The following PCDH7 variants were observed in gnomAD, a reference collection of about 807,000 sequenced individuals.
The protein encoded by PCDH7 is protocadherin-7.
Under a neutral mutation model 58.9 loss-of-function variants are expected in PCDH7, and 17 were observed. The observed-to-expected ratio is 0.29, with a 90% CI of 0.20 to 0.43. The LOEUF (loss-of-function observed/expected upper bound fraction) is 0.43. PCDH7 is among the 20% of genes least tolerant of loss of function. The pLI, the probability that PCDH7 is intolerant of heterozygous loss-of-function variation, is 1.00. For synonymous variants in PCDH7, 664 were observed against 616.4 expected (o/e 1.08, Z -1.14); for missense variants, 1,274 against 1,441.0 (o/e 0.88, Z 1.88).
chr4:31,023,439 G>C (rs1477645943), intron 3 of PCDH7, among the ~76,000 whole-genome samples: 2 of 152,156 alleles, frequency 1.3e-5, no homozygotes, highest in African/African-American at 2.4e-5. Flanking sequence ...AGACAGACCT[G>C]AATCAAATTC....
chr4:30,736,394 CTG>C (rs539450464), downstream of PCDH7, among the ~76,000 whole-genome samples: 238 of 152,146 alleles, frequency 1.6e-3, 1 homozygote, highest in African/African-American at 5.4e-3. Context: ...GGAATTAAAA[CTG>C]TTTTTAATTT....
intron 3 of PCDH7, among the ~76,000 whole-genome samples, chr4:30,987,388 A>C (rs2109118588): frequency 6.6e-6 from 1 of 152,186 alleles, no homozygotes; most frequent in East Asian, 1.9e-4. Flanking sequence ...CTGCCTCAAA[A>C]GCTTCTAAGT....
chr4:31,017,398 T>A (rs1275271780), intron 3 of PCDH7, among the ~76,000 whole-genome samples: 1 of 152,198 alleles, frequency 6.6e-6, no homozygotes, highest in East Asian at 1.9e-4. Flanking sequence ...TAGCTGTTTT[T>A]GTTCATATAT....
chr4:31,043,692 C>T (rs148549563), intron 3 of PCDH7, among the ~76,000 whole-genome samples: 75 of 152,208 alleles, frequency 4.9e-4, no homozygotes, highest in African/African-American at 1.7e-3. Flanking sequence ...GGACGTTAGA[C>T]ATTTGTCAGA....
At chr4:30,962,821 A>G (rs1000974835) in intron 3 of PCDH7, among the ~76,000 whole-genome samples, 1 of 150,584 alleles carries the variant, frequency 6.6e-6, no homozygotes, top group Non-Finnish European at 1.5e-5. Context: ...GTAATTCTAT[A>G]TAAGTGAAGT....
chr4:31,113,831 C>CTTTTT lies in PCDH7; in HGVS notation c.*8-28626_*8-28622dup, dbSNP rs35105911. Among the ~76,000 whole-genome samples the CTTTTT allele has an allele frequency of 3.8e-4, 41 of 107,472 alleles. 1 individual carries two copies. The highest frequency in any genetic ancestry group is 1.0e-3 in the East Asian group (4 of 3,902). 70.5% of individuals were successfully genotyped at this position (107,472 alleles called of 152,430 possible). A position where few individuals can be genotyped will look rare whatever the true frequency, so the allele number is the denominator to read the frequency against. ...TTTTGAAATTTAAAAGTTAACCTTT[C>CTTTTT]TTTTTTTTTTTTTTTTTTTTGAGAT... On this transcript the variant is annotated intron_variant, in intron 3 of 3. Coordinates refer to the PCDH7 transcript ENST00000509759.
At chr4:30,731,446 T>C (rs908297410) in exon 2 of PCDH7, 1 of 152,112 alleles carries the variant, frequency 6.6e-6, no homozygotes, top group Admixed American at 6.6e-5. Context: ...ATTTTTTATA[T>C]TTATAATGGG....
chr4:31,101,304 T>A (rs1714863234), intron 3 of PCDH7, among the ~76,000 whole-genome samples: 1 of 152,330 alleles, frequency 6.6e-6, no homozygotes, highest in South Asian at 2.1e-4. Context: ...TATTTAATTA[T>A]GTGCTGGGTT....
chr4:30,852,494 T>C, intron 1 of PCDH7, among the ~76,000 whole-genome samples: 1 of 152,040 alleles, frequency 6.6e-6, no homozygotes, highest in East Asian at 1.9e-4. Context: ...AACTATCTCT[T>C]GAGACTACTT....
At chr4:30,981,499 C>G (rs61792877) in intron 3 of PCDH7, among the ~76,000 whole-genome samples, 33,102 of 152,058 alleles carry the variant, frequency 0.22, 3,746 homozygotes, top group African/African-American at 0.27. Flanking sequence ...TAATATTACT[C>G]TCTCACATTG....
chr4:31,124,004 G>A (rs1717993461), intron 3 of PCDH7, among the ~76,000 whole-genome samples: 1 of 152,112 alleles, frequency 6.6e-6, no homozygotes, highest in African/African-American at 2.4e-5. Flanking sequence ...TCTCTGCCAT[G>A]CCACTCTGCT....
chr4:30,829,535 T>G (rs1472683716), intron 1 of PCDH7, among the ~76,000 whole-genome samples: 1 of 152,002 alleles, frequency 6.6e-6, no homozygotes, highest in East Asian at 1.9e-4. Flanking sequence ...GTAGAGAAGG[T>G]ATCAGTATAT....
At chr4:31,019,180 A>G (rs945790670) in intron 3 of PCDH7, among the ~76,000 whole-genome samples, 15 of 152,200 alleles carry the variant, frequency 9.9e-5, no homozygotes, top group Non-Finnish European at 4.4e-5. Context: ...AGAAAAAAAA[A>G]GATAAATGTC....
At chr4:31,082,624 A>G (rs1711647920) in intron 3 of PCDH7, among the ~76,000 whole-genome samples, 1 of 152,202 alleles carries the variant, frequency 6.6e-6, no homozygotes, top group Non-Finnish European at 1.5e-5. Context: ...TGTCTTCTGC[A>G]GCAACTTGGA....
chr4:30,911,461 A>G (rs1741760197), intron 1 of PCDH7, among the ~76,000 whole-genome samples: 1 of 152,124 alleles, frequency 6.6e-6, no homozygotes, highest in Non-Finnish European at 1.5e-5. Context: ...TAAAATATTT[A>G]CTTTCTGGCA....
chr4:31,032,221 G>C (rs1037074893), intron 3 of PCDH7, among the ~76,000 whole-genome samples: 1 of 152,120 alleles, frequency 6.6e-6, no homozygotes, highest in African/African-American at 2.4e-5. Flanking sequence ...TAAATTATAC[G>C]CAAGATCATA....
chr4:30,968,732 T>C (rs1230820660), intron 3 of PCDH7, among the ~76,000 whole-genome samples: 2 of 152,134 alleles, frequency 1.3e-5, no homozygotes, highest in Non-Finnish European at 2.9e-5. Flanking sequence ...AACAAGAATG[T>C]CACCTAAGTT....
At chr4:30,999,777 A>G (rs1202329767) in intron 3 of PCDH7, among the ~76,000 whole-genome samples, 3 of 152,146 alleles carry the variant, frequency 2.0e-5, no homozygotes, top group African/African-American at 7.2e-5. Context: ...GTTAGGGAGA[A>G]TTGATTCTTC....
intron 3 of PCDH7, among the ~76,000 whole-genome samples, chr4:30,976,450 G>T (rs1190484020): frequency 1.4e-5 from 2 of 140,668 alleles, no homozygotes; most frequent in Non-Finnish European, 3.0e-5. Flanking sequence ...GCCCAGGTTG[G>T]AGTGCAATGG....
Sources: gnomAD v4.1 joint callset for allele counts (sites outside exome capture counted in the v4.1 genomes callset) on GRCh38, gnomAD v4.1.1 for gene constraint, MANE v1.5 for transcripts, NCBI Gene and HGNC (gene_info 2026-07-23, HGNC 2026-07-21) for gene names.